Variants in SCTR observed in about 807,000 individuals in gnomAD.
SCTR encodes the protein secretin receptor.
In SCTR, 56 loss-of-function variants were observed where a neutral mutation model predicts 60.8. That is an observed-to-expected ratio of 0.92 (90% CI 0.74 to 1.15). The LOEUF (loss-of-function observed/expected upper bound fraction) is 1.15. Among genes scored for constraint, SCTR ranks in the 50% most tolerant of loss-of-function variants. The pLI is 0.00. For synonymous variants in SCTR, 202 were observed against 217.0 expected (o/e 0.93, Z 0.61); for missense variants, 562 against 550.4 (o/e 1.02, Z -0.21).
intron 4 of SCTR, among the ~76,000 whole-genome samples, chr2:119,469,356 C>T (rs1676886907): frequency 1.3e-5 from 2 of 152,138 alleles, no homozygotes; most frequent in South Asian, 4.1e-4. Flanking sequence ...GTGGCTGTGG[C>T]CATTGCTTGC....
At chr2:119,494,696 G>A (rs896104105) in intron 1 of SCTR, 148 bp from the exon 2 acceptor site, 1 of 770,012 alleles carries the variant, frequency 1.3e-6, no homozygotes, top group Non-Finnish European at 2.0e-6. Flanking sequence ...TGCAGGAAAG[G>A]TGGAGGCAGC....
intron 2 of SCTR, among the ~76,000 whole-genome samples, chr2:119,492,892 T>G (rs1038663790): frequency 4.0e-5 from 6 of 151,608 alleles, no homozygotes; most frequent in African/African-American, 1.5e-4. Context: ...TGAGACAGAG[T>G]CTCACTCTGT....
At chr2:119,491,606 G>C (rs1678133688) in intron 2 of SCTR, among the ~76,000 whole-genome samples, 1 of 152,174 alleles carries the variant, frequency 6.6e-6, no homozygotes, top group East Asian at 1.9e-4. Context: ...CAGCCTCCTG[G>C]GTTCAAGCGA....
Position 119,440,208 on chromosome 2 carries a change from A to G in SCTR, c.1232T>C (p.Phe411Ser), listed in dbSNP as rs145773754. The part of the protein sequence containing the change: ...KKWQQWHLRE[F>S]PLHPVASFSN... Reference sequence around the variant, plus strand: ...GAAGGAGGCCACGGGGTGCAGTGGGAACTCACGGAGGTGCCATTGCTGCCA... The same window carrying G: ...GAAGGAGGCCACGGGGTGCAGTGGGGACTCACGGAGGTGCCATTGCTGCCA... Residue 411 changes from phenylalanine (F) to serine (S), a missense_variant, in exon 13 of 13, where the codon TTC becomes TCC. Coordinates refer to ENST00000019103, the MANE Select transcript of SCTR (RefSeq NM_002980.3). 16,839 of 1,614,004 alleles carry G rather than the reference A, an allele frequency of 0.01. 132 individuals are homozygous for G. Among genetic ancestry groups the G allele is most frequent in the South Asian group, 0.016 (1,496 of 91,068 alleles).
rs557243835 is a variant in SCTR, at chr2:119,464,334, C to T, written c.504-79G>A. 14 of 1,439,212 alleles carry T rather than the reference C, an allele frequency of 9.7e-6. No homozygotes were observed. The South Asian group carries it at 1.6e-4, about 17-fold the overall frequency. The allele number at this position is 1,439,212 out of a possible 1,614,324, so 89.2% of individuals were successfully genotyped here. A position where few individuals can be genotyped will look rare whatever the true frequency, so the allele number is the denominator to read the frequency against. On this transcript the variant is annotated intron_variant, in intron 5 of 12. Coordinates refer to ENST00000019103, the MANE Select transcript of SCTR (RefSeq NM_002980.3). ...CAGCCAGGCCCACCTGCCACCAGTG[C>T]ACTGGGGAAACTGAGGCCCTAGACT...
intron 3 of SCTR, 94 bp from the exon 4 acceptor site, chr2:119,473,650 C>G (rs1430351977): frequency 1.2e-6 from 1 of 805,766 alleles, no homozygotes; most frequent in Non-Finnish European, 2.2e-6. Context: ...GCTACAACCA[C>G]TCTATAGTGT....
chr2:119,461,919 G>T lies in SCTR; in HGVS notation c.718C>A (p.Leu240Ile). Residue 240 changes from leucine to isoleucine, a missense_variant, in exon 7 of 13, where the codon CTT (leucine) becomes ATT (isoleucine). Leu to Ile is a conservative substitution (Grantham distance 5). Coordinates refer to ENST00000019103, the MANE Select transcript of SCTR (RefSeq NM_002980.3). ...YSWLLVEGLY[L>I]HTLLAISFFS... is the part of the protein sequence containing the mutation. ...AAGGAGATGGCGAGGAGTGTGTGAA[G>T]GTAGAGGCCTTCCACCAGCAGCCAG... The T allele has an allele frequency of 6.2e-7, 1 of 1,614,022 alleles. No individual in the cohort carries two copies. Among genetic ancestry groups the T allele is most frequent in the South Asian group, 1.1e-5 (1 of 91,036 alleles).
At chr2:119,494,602 C>T (rs1483936216) in intron 1 of SCTR, 54 bp from the exon 2 acceptor site, 1 of 1,602,010 alleles carries the variant, frequency 6.2e-7, no homozygotes, top group East Asian at 2.2e-5. Flanking sequence ...AATTTTGCCA[C>T]ATGGGGGAGA....
rs115871087 is a variant in SCTR, at chr2:119,511,607, C to T, written c.72+12548G>A. ...TCCACAGTCCTATTGGTTTTTCCTC[C>T]GGATATTTCTGTCTCAGAGTTCTCC... is the stretch of plus-strand genomic sequence containing the variant. On this transcript the variant is annotated intron_variant, in intron 1 of 12. Transcript: ENST00000019103. Among the ~76,000 whole-genome samples the T allele has an allele frequency of 9.6e-3, 1,465 of 152,234 alleles. 23 individuals carry two copies. Among genetic ancestry groups the T allele is most frequent in the African/African-American group, 0.034 (1,395 of 41,538 alleles).
intron 1 of SCTR, among the ~76,000 whole-genome samples, chr2:119,509,545 A>G (rs1264543070): frequency 6.6e-6 from 1 of 152,214 alleles, no homozygotes; most frequent in South Asian, 2.1e-4. Flanking sequence ...GCCCTGTGCA[A>G]GAAGAGTTCA....
intron 5 of SCTR, among the ~76,000 whole-genome samples, 172 bp downstream of exon 5, chr2:119,465,617 G>C (rs1558849726): frequency 1.3e-5 from 2 of 152,134 alleles, no homozygotes; most frequent in Non-Finnish European, 2.9e-5. Context: ...AAAATAAAGG[G>C]ATGAATGAGG....
chr2:119,500,142 A>G (rs1678489885), intron 1 of SCTR, among the ~76,000 whole-genome samples: 1 of 152,154 alleles, frequency 6.6e-6, no homozygotes, highest in South Asian at 2.1e-4. Context: ...CAAAACCACA[A>G]TGAGACAGTA....
intron 1 of SCTR, among the ~76,000 whole-genome samples, chr2:119,503,706 A>C (rs951114969): frequency 6.6e-6 from 1 of 152,206 alleles, no homozygotes; most frequent in Non-Finnish European, 1.5e-5. Context: ...TCGATTCTGC[A>C]TGATACTGTA....
intron 10 of SCTR, among the ~76,000 whole-genome samples, chr2:119,447,831 C>A (rs1300645502): frequency 6.6e-6 from 1 of 152,184 alleles, no homozygotes; most frequent in Non-Finnish European, 1.5e-5. Context: ...CTTGGCCTCC[C>A]AAAGTGCTGG....
chr2:119,475,438 G>A (rs904340443), intron 3 of SCTR, among the ~76,000 whole-genome samples: 2 of 151,978 alleles, frequency 1.3e-5, no homozygotes, highest in Non-Finnish European at 2.9e-5. Context: ...CCCAGGCCAG[G>A]TGCCCAGAGC....
chr2:119,507,824 A>G (rs1175562236), intron 1 of SCTR, among the ~76,000 whole-genome samples: 5 of 151,624 alleles, frequency 3.3e-5, no homozygotes. Context: ...GATTACAGGC[A>G]CCAGCCACCA....
intron 7 of SCTR, among the ~76,000 whole-genome samples, chr2:119,460,147 C>T (rs1357924551): frequency 1.3e-5 from 2 of 151,482 alleles, no homozygotes; most frequent in Admixed American, 1.3e-4. Flanking sequence ...TCAGGCAGCT[C>T]CCCTGATCGG....
chr2:119,448,655 A>C (rs779563614), intron 10 of SCTR, 34 bp downstream of exon 10: 1 of 1,191,042 alleles, frequency 8.4e-7, no homozygotes, highest in South Asian at 1.2e-5. Context: ...ATGCTTGCTG[A>C]CTGACCATGC....
intron 2 of SCTR, among the ~76,000 whole-genome samples, chr2:119,489,259 C>A (rs1255691985): frequency 6.6e-6 from 1 of 152,206 alleles, no homozygotes; most frequent in Non-Finnish European, 1.5e-5. Flanking sequence ...ACAAGTTGGG[C>A]AGCTGGTGGC....
Sources: gnomAD v4.1 joint callset for allele counts (sites outside exome capture counted in the v4.1 genomes callset) on GRCh38, gnomAD v4.1.1 for gene constraint, MANE v1.5 for transcripts, NCBI Gene and HGNC (gene_info 2026-07-23, HGNC 2026-07-21) for gene names.